SUZ12: variants seen among roughly 807,000 people sequenced by gnomAD.
SUZ12 encodes SUZ12 polycomb repressive complex 2 subunit.
In SUZ12, 17 loss-of-function variants were observed where a neutral mutation model predicts 87.3. The observed-to-expected ratio is 0.19, with a 90% CI of 0.13 to 0.29. The LOEUF (loss-of-function observed/expected upper bound fraction) is 0.29. SUZ12 is among the 10% of genes least tolerant of loss of function. The probability of loss-of-function intolerance (pLI) is 1.00; values close to 1 mark genes in which losing one functional copy is unlikely to be tolerated. For synonymous variants in SUZ12, 253 were observed against 312.4 expected (o/e 0.81, Z 2.01); for missense variants, 526 against 912.2 (o/e 0.58, Z 5.45).
chr17:31,974,027 A>C (rs1598172148), intron 6 of SUZ12, among the ~76,000 whole-genome samples: 1 of 152,236 alleles, frequency 6.6e-6, no homozygotes, highest in South Asian at 2.1e-4. Context: ...GGAGTTAAGC[A>C]TCCTGGGCAA....
At chr17:31,982,696 C>A (rs532272919) in intron 8 of SUZ12, among the ~76,000 whole-genome samples, 1 of 152,032 alleles carries the variant, frequency 6.6e-6, no homozygotes, top group Non-Finnish European at 1.5e-5. Context: ...CCTGTACTTA[C>A]GCTTTATATT....
rs144864276 is a variant in SUZ12 at position 31,940,586 on chromosome 17, T to C, written c.386+100T>C. On this transcript the variant is annotated intron_variant, in intron 3 of 15. Coordinates refer to ENST00000322652, the MANE Select transcript of SUZ12 (RefSeq NM_015355.4). ...AAAAAAAAAAACGAACAAAAATAAG[T>C]ACTATTTCTAACTAAAGATTTAAGA... 1,578 of 1,478,848 alleles carry C rather than the reference T, an allele frequency of 1.1e-3. 12 individuals carry two copies. In the African/African-American group the frequency reaches 0.02, roughly 19 times the overall value. 91.6% of individuals were successfully genotyped at this position (1,478,848 alleles called of 1,614,324 possible).
chr17:31,938,178 T>G (rs551380623), intron 1 of SUZ12, among the ~76,000 whole-genome samples: 6 of 152,306 alleles, frequency 3.9e-5, no homozygotes, highest in South Asian at 2.1e-4. Flanking sequence ...TGTTTCTAAG[T>G]TCTGTCTGGA....
chr17:31,991,815 G>T (rs947240125), intron 10 of SUZ12, among the ~76,000 whole-genome samples: 2 of 151,848 alleles, frequency 1.3e-5, no homozygotes, highest in Non-Finnish European at 2.9e-5. Flanking sequence ...AGGCAGGCTG[G>T]TCTCAAACTT....
At chr17:31,975,846 A>G (rs1247499993) in intron 7 of SUZ12, 133 bp downstream of exon 7, 1 of 695,212 alleles carries the variant, frequency 1.4e-6, no homozygotes, top group Admixed American at 3.2e-5. Flanking sequence ...CCACCTCAAC[A>G]TTTTGTTGTG....
intron 4 of SUZ12, among the ~76,000 whole-genome samples, chr17:31,950,370 A>G (rs751934714): frequency 1.3e-5 from 2 of 152,216 alleles, no homozygotes; most frequent in Non-Finnish European, 1.5e-5. Context: ...TTTGCTTCTA[A>G]AATCTATTGT....
At chr17:31,954,937 A>G (rs533080931) in intron 4 of SUZ12, among the ~76,000 whole-genome samples, 6 of 152,198 alleles carry the variant, frequency 3.9e-5, no homozygotes, top group Non-Finnish European at 8.8e-5. Flanking sequence ...ATTGTCTTCA[A>G]GGTAATTTAA....
intron 3 of SUZ12, among the ~76,000 whole-genome samples, chr17:31,942,174 G>T (rs1598145702): frequency 6.6e-6 from 1 of 152,228 alleles, no homozygotes; most frequent in Non-Finnish European, 1.5e-5. Flanking sequence ...TTTCAAGTTT[G>T]ATAGAAGTTG....
intron 15 of SUZ12, among the ~76,000 whole-genome samples, chr17:31,997,488 C>T (rs1910035671): frequency 1.3e-5 from 2 of 151,982 alleles, no homozygotes; most frequent in Admixed American, 1.3e-4. Context: ...CATGGTGAAA[C>T]CCTGTCTCCA....
Position 31,995,755 on chromosome 17 carries a change from C to A in SUZ12, c.1787C>A (p.Thr596Asn). 1 of 1,602,980 alleles carries A rather than the reference C, an allele frequency of 6.2e-7. No homozygotes were observed. Among genetic ancestry groups the A allele is most frequent in the Non-Finnish European group, 8.5e-7 (1 of 1,171,690 alleles). The change falls in exon 14 of 16, where the codon ACC becomes AAC. Residue 596 changes from threonine to asparagine, a missense_variant. By Grantham distance (65) the Thr-to-Asn change is moderately conservative. Transcript: ENST00000322652. ...GATCCTGAATGGCTAAGAGAAAAAA[C>A]CATTACAGTAATTATTATTATCTTT... is the stretch of plus-strand genomic sequence containing the variant. ...EKDPEWLREK[T>N]ITQIEEFSDV...
intron 4 of SUZ12, among the ~76,000 whole-genome samples, chr17:31,963,029 A>G (rs112508164): frequency 0.17 from 25,992 of 149,442 alleles, no homozygotes; most frequent in African/African-American, 0.32. Flanking sequence ...CTTCTTCTAG[A>G]ATAATGCTGT....
At chr17:31,975,972 C>T (rs1224858212) in intron 7 of SUZ12, among the ~76,000 whole-genome samples, 1 of 152,150 alleles carries the variant, frequency 6.6e-6, no homozygotes, top group African/African-American at 2.4e-5. Flanking sequence ...TATCCCCCTG[C>T]CCATCCCTCT....
At chr17:31,986,262 T>C (rs1390781897) in intron 9 of SUZ12, among the ~76,000 whole-genome samples, 6 of 152,288 alleles carry the variant, frequency 3.9e-5, no homozygotes, top group Non-Finnish European at 8.8e-5. Context: ...CTCTTAACCC[T>C]GTAAAATGGG....
chr17:31,993,318 A>T lies in SUZ12; in HGVS notation c.1278A>T (p.Leu426Phe), dbSNP rs773744548. ...KDTPNENRQK[L>F]RIFYQFLYNN... ...CTCCAAATGAAAACCGACAAAAATT[A>T]AGAATATTTTATCAGGTAAACATAG... Residue 426 changes from leucine to phenylalanine, a missense_variant, in exon 11 of 16, where the codon TTA becomes TTT. Around this residue, in one of 9 missense-constraint regions of SUZ12, gnomAD observed 85 missense variants for 87.4 expected, o/e 0.97. Coordinates refer to ENST00000322652, the MANE Select transcript of SUZ12 (RefSeq NM_015355.4). The T allele has an allele frequency of 6.4e-7, 1 of 1,574,272 alleles. No homozygotes were observed. The highest frequency in any genetic ancestry group is 1.2e-5 in the South Asian group (1 of 84,808).
intron 4 of SUZ12, among the ~76,000 whole-genome samples, chr17:31,949,705 T>TTTTTTTTTTTTG (rs1367680305): frequency 3.1e-5 from 3 of 96,504 alleles, no homozygotes; most frequent in African/African-American, 4.1e-5. Context: ...TTTTTTTTTT[T>TTTTTTTTTTTTG]GAGACCAAGT....
chr17:31,984,660 T>C (rs1384370987), intron 9 of SUZ12, among the ~76,000 whole-genome samples: 1 of 152,186 alleles, frequency 6.6e-6, no homozygotes, highest in African/African-American at 2.4e-5. Flanking sequence ...AAGAAATATG[T>C]GTCAAGGACT....
chr17:31,961,474 T>G (rs1907708456), intron 4 of SUZ12, among the ~76,000 whole-genome samples: 1 of 151,882 alleles, frequency 6.6e-6, no homozygotes, highest in African/African-American at 2.4e-5. Context: ...TGAACCCAGG[T>G]GGGAGGTTGT....
intron 5 of SUZ12, among the ~76,000 whole-genome samples, chr17:31,970,480 T>C (rs1908361051): frequency 6.6e-6 from 1 of 151,950 alleles, no homozygotes; most frequent in South Asian, 2.1e-4. Flanking sequence ...ATAACCAAAT[T>C]AGCTGGGAAT....
intron 4 of SUZ12, among the ~76,000 whole-genome samples, chr17:31,958,299 G>A (rs1907486296): frequency 6.6e-6 from 1 of 152,056 alleles, no homozygotes; most frequent in South Asian, 2.1e-4. Flanking sequence ...TCCTCCTAAA[G>A]TGTTAGGATT....
Sources: allele counts gnomAD v4.1 joint callset (sites outside exome capture counted in the v4.1 genomes callset), GRCh38; gene constraint gnomAD v4.1.1; regional missense constraint gnomAD v4.1.1; transcripts MANE v1.5; gene names NCBI Gene and HGNC (gene_info 2026-07-23, HGNC 2026-07-21).